The following ALB variants were observed in gnomAD, a reference collection of about 807,000 sequenced individuals.
ALB encodes the protein albumin, also known as serum albumin.
Under a neutral mutation model 74.5 loss-of-function variants are expected in ALB, and 37 were observed. The observed-to-expected ratio is 0.50, with a 90% confidence interval of 0.38 to 0.65. ALB has a LOEUF of 0.65. Among genes scored for constraint, ALB ranks in the 30% least tolerant of loss-of-function variants. The pLI is 0.00. For missense variants in ALB, 685 were observed against 718.7 expected (o/e 0.95, Z 0.54); for synonymous variants, 249 against 251.6 (o/e 0.99, Z 0.10).
chr4:73,413,580 A>C lies in ALB; in HGVS notation c.1004A>C (p.Glu335Ala), dbSNP rs1295881022. The change falls in exon 8 of 15, where the codon GAA becomes GCA. Residue 335 changes from glutamate (E) to alanine (A), a missense_variant. By Grantham distance (107) the Glu-to-Ala change is moderately radical (BLOSUM62 -1). Transcript: ENST00000295897. The stretch of plus-strand genomic sequence containing the variant: ...CCTTCATTAGCTGCTGATTTTGTTG[A>C]AAGTAAGGATGTTTGCAAAAACTAT... ...DLPSLAADFV[E>A]SKDVCKNYAE... The C allele has an allele frequency of 6.2e-7, 1 of 1,614,176 alleles. No homozygotes were observed. The highest frequency in any genetic ancestry group is 8.5e-7 in the Non-Finnish European group (1 of 1,180,012).
intron 4 of ALB, 138 bp downstream of exon 4, chr4:73,408,943 AAGT>A (rs2149327526): frequency 2.4e-6 from 2 of 822,104 alleles, no homozygotes; most frequent in South Asian, 3.8e-5. Context: ...TTTTTTAAAG[AAGT>A]AGTATTTGAT....
At position 73,416,330 on chromosome 4, in the gene ALB, T is replaced by G. The variant is rs763855171; in HGVS notation, c.1266T>G (p.Leu422=). The stretch of plus-strand genomic sequence containing the variant: ...AAAATTGTGAGCTTTTTGAGCAGCT[T>G]GGAGAGTACAAATTCCAGAATGCGT... ...IKQNCELFEQ[L]GEYKFQNALL... is the part of the protein sequence containing the mutation. The change falls in exon 10 of 15, where the codon CTT becomes CTG. Residue 422 remains leucine (L), a synonymous_variant. Coordinates refer to ENST00000295897, the MANE Select transcript of ALB (RefSeq NM_000477.7). The G allele has an allele frequency of 6.2e-7, 1 of 1,613,584 alleles. No individual in the cohort carries two copies.
intron 14 of ALB, 139 bp downstream of exon 14, chr4:73,420,460 T>G (rs1439822316): frequency 2.0e-6 from 1 of 510,888 alleles, no homozygotes; most frequent in African/African-American, 2.0e-5. Flanking sequence ...TATTAGCTTT[T>G]AAAATTCTCA....
At chr4:73,414,974 T>A in intron 8 of ALB, 61 bp from the exon 9 acceptor site, 1 of 1,587,522 alleles carries the variant, frequency 6.3e-7, no homozygotes, top group African/African-American at 1.3e-5. Context: ...TGAGATTAGC[T>A]TTGTGATATT....
chr4:73,410,510 A>G (rs1380514286), intron 6 of ALB, 101 bp downstream of exon 6: 6 of 863,702 alleles, frequency 6.9e-6, no homozygotes, highest in South Asian at 4.2e-5. Flanking sequence ...AGTGCTGTCA[A>G]ATACATTTCT....
At position 73,418,100 on chromosome 4, in the gene ALB, C is replaced by T; in HGVS notation, c.1441C>T (p.Leu481=). ...PCAEDYLSVV[L]NQLCVLHEKT... ...GCCTGTTCTTTAGCTATCCGTGGTCCTGAACCAGTTATGTGTGTTGCATGA... is the reference window on the plus strand; with the variant it reads ...GCCTGTTCTTTAGCTATCCGTGGTCTTGAACCAGTTATGTGTGTTGCATGA... The change falls in exon 12 of 15, where the codon CTG becomes TTG. Residue 481 remains leucine (L), a synonymous_variant. Transcript: ENST00000295897. 1 of 1,614,052 alleles carries T rather than the reference C, an allele frequency of 6.2e-7. No homozygotes were observed. The highest frequency in any genetic ancestry group is 8.5e-7 in the Non-Finnish European group (1 of 1,179,982).
At chr4:73,413,759 C>T (rs1718940651) in intron 8 of ALB, 125 bp downstream of exon 8, 1 of 923,978 alleles carries the variant, frequency 1.1e-6, no homozygotes, top group Admixed American at 2.1e-5. Context: ...TTCATCCTTC[C>T]CTTTCCCAGG....
chr4:73,407,938 A>G (rs1428341474), intron 3 of ALB, among the ~76,000 whole-genome samples: 1 of 152,144 alleles, frequency 6.6e-6, no homozygotes, highest in African/African-American at 2.4e-5. Flanking sequence ...ACACAATACT[A>G]TGGCTCTACA....
At chr4:73,405,751 C>T (rs1331428568) in intron 2 of ALB, among the ~76,000 whole-genome samples, 2 of 151,938 alleles carry the variant, frequency 1.3e-5, no homozygotes, top group Non-Finnish European at 2.9e-5. Flanking sequence ...CCATCACGCC[C>T]GGCTAATCTT....
chr4:73,405,275 A>G, intron 2 of ALB, 102 bp downstream of exon 2: 1 of 1,023,094 alleles, frequency 9.8e-7, no homozygotes, highest in African/African-American at 1.6e-5. Context: ...AGATTCTAAA[A>G]CAGTGCTGCC....
At chr4:73,414,919 C>T in intron 8 of ALB, 116 bp from the exon 9 acceptor site, 1 of 1,310,214 alleles carries the variant, frequency 7.6e-7, no homozygotes, top group Non-Finnish European at 1.1e-6. Flanking sequence ...AGCTTTACTG[C>T]ATGGGGTTTA....
In ALB at chr4:73,408,758, T is replaced by G. The variant is rs1032843657; in HGVS notation, c.435T>G (p.Asp145Glu). Reference protein sequence around the residue: ...NLPRLVRPEVDVMCTAFHDNE... With the variant: ...NLPRLVRPEVEVMCTAFHDNE... ...CCCGATTGGTGAGACCAGAGGTTGA[T>G]GTGATGTGCACTGCTTTTCATGACA... is the stretch of plus-strand genomic sequence containing the variant. The change falls in exon 4 of 15, where the codon GAT becomes GAG. Residue 145 changes from aspartate (D) to glutamate (E), a missense_variant. Asp to Glu is a conservative substitution (Grantham distance 45). Coordinates refer to ENST00000295897, the MANE Select transcript of ALB (RefSeq NM_000477.7). 5.6e-6 allele frequency: 9 copies of G among 1,614,042 alleles called. No homozygotes were observed. The African/African-American group carries it at 1.2e-4, about 22-fold the overall frequency.
chr4:73,404,703 C>A (rs182451111), intron 1 of ALB, among the ~76,000 whole-genome samples: 19 of 152,136 alleles, frequency 1.2e-4, no homozygotes, highest in African/African-American at 4.3e-4. Context: ...AGATTGAATT[C>A]ATAACTATCC....
At chr4:73,416,794 G>T (rs1275920923) in intron 10 of ALB, among the ~76,000 whole-genome samples, 2 of 152,184 alleles carry the variant, frequency 1.3e-5, no homozygotes, top group South Asian at 4.1e-4. Flanking sequence ...AATTCAGGTT[G>T]TTTGGGAGAT....
At chr4:73,406,567 GTA>G in intron 2 of ALB, 60 bp from the exon 3 acceptor site, 1 of 1,523,194 alleles carries the variant, frequency 6.6e-7, no homozygotes, top group Non-Finnish European at 9.1e-7. Context: ...GTTCTCTAGC[GTA>G]GCAACCTGTT....
intron 3 of ALB, 22 bp downstream of exon 3, chr4:73,406,783 A>G: frequency 1.2e-6 from 2 of 1,613,110 alleles, no homozygotes; most frequent in Non-Finnish European, 1.7e-6. Context: ...CTAATTGTGG[A>G]GATTCTTTCT....
In ALB at chr4:73,421,244, G is replaced by A; in HGVS notation, c.*176G>A. 1.7e-6 allele frequency: 1 copy of A among 595,290 alleles called. No individual in the cohort carries two copies. The highest frequency in any genetic ancestry group is 2.1e-5 in the South Asian group (1 of 48,088). 36.9% of individuals were successfully genotyped at this position (595,290 alleles called of 1,614,324 possible). A position where few individuals can be genotyped will look rare whatever the true frequency, so the allele number is the denominator to read the frequency against. ...CTCTGTGCTTCAATTAATAAAAAATGGAAAGAATCTAATAGAGTGGTACAG... is the reference window on the plus strand; with the variant it reads ...CTCTGTGCTTCAATTAATAAAAAATAGAAAGAATCTAATAGAGTGGTACAG... On this transcript the variant is annotated 3_prime_UTR_variant, in exon 15 of 15. Coordinates refer to ENST00000295897, the MANE Select transcript of ALB (RefSeq NM_000477.7).
intron 4 of ALB, chr4:73,409,080 T>C: frequency 1.7e-6 from 1 of 582,554 alleles, no homozygotes; most frequent in Non-Finnish European, 3.0e-6. Flanking sequence ...AAGATATGTA[T>C]ATATGGTTGT....
In ALB at chr4:73,420,306, T is replaced by C. The variant is rs371729216; in HGVS notation, c.*8T>C. ...GCTGCCTTAGGCTTATAACATCACA[T>C]TTAAAAGCATCTCAGGTAACTATAT... On this transcript the variant is annotated 3_prime_UTR_variant, in exon 14 of 15. Transcript: ENST00000295897. 3.3e-5 allele frequency: 53 copies of C among 1,606,510 alleles called. No individual in the cohort carries two copies. Among genetic ancestry groups the C allele is most frequent in the Non-Finnish European group, 4.3e-5 (51 of 1,173,830 alleles).
Sources: allele counts gnomAD v4.1 joint callset (sites outside exome capture counted in the v4.1 genomes callset), GRCh38; gene constraint gnomAD v4.1.1; transcripts MANE v1.5; gene names NCBI Gene and HGNC (gene_info 2026-07-23, HGNC 2026-07-21).